PTN: variants seen among roughly 807,000 people sequenced by gnomAD.
PTN encodes the protein pleiotrophin.
PTN carries 18 observed loss-of-function variants against 24.1 expected under a neutral mutation model. That is an observed-to-expected ratio of 0.75 (90% CI 0.52 to 1.11). PTN has a LOEUF of 1.11. Among genes scored for constraint, PTN ranks in the 50% least tolerant of loss-of-function variants. PTN has a pLI of 0.00. For synonymous variants in PTN, 78 were observed against 68.6 expected (o/e 1.14, Z -0.67); for missense variants, 163 against 198.8 (o/e 0.82, Z 1.08).
chr7:137,301,039 A>C (rs2128878530), intron 1 of PTN, among the ~76,000 whole-genome samples: 1 of 151,094 alleles, frequency 6.6e-6, no homozygotes, highest in East Asian at 1.9e-4. Context: ...GTAATTACAA[A>C]GAAGTCAGGC....
intron 1 of PTN, among the ~76,000 whole-genome samples, chr7:137,292,816 A>C (rs1220515018): frequency 6.6e-6 from 1 of 152,162 alleles, no homozygotes. Context: ...TGTGGGACGC[A>C]CAGAAAAGGA....
chr7:137,315,179 G>A lies in PTN; in HGVS notation c.-2+28260C>T, dbSNP rs147767078. Among the ~76,000 whole-genome samples the A allele has an allele frequency of 7.4e-3, 1,122 of 152,144 alleles. 5 individuals are homozygous for A. The highest frequency in any genetic ancestry group is 0.012 in the Non-Finnish European group (797 of 67,988). ...GATGCTAATAATTATGCCATGCAAT[G>A]GTATCACCATTAATCAAATGAACAC... On this transcript the variant is annotated intron_variant, in intron 1 of 4. Transcript: ENST00000348225.
In PTN at chr7:137,254,901, C is replaced by A; in HGVS notation, c.73G>T (p.Ala25Ser). 6.3e-7 allele frequency: 1 copy of A among 1,584,502 alleles called. No individual in the cohort carries two copies. The highest frequency in any genetic ancestry group is 1.1e-5 in the South Asian group (1 of 87,978). Reference sequence around the variant, plus strand: ...CCTGCTTCAGCAGTATCCACAGCTGCCAGTATGAAAATGAATGCCAAGAAG... The same window carrying A: ...CCTGCTTCAGCAGTATCCACAGCTGACAGTATGAAAATGAATGCCAAGAAG... Reference protein sequence around the residue: ...AAFLAFIFILAAVDTAEAGKK... With the variant: ...AAFLAFIFILSAVDTAEAGKK... The change falls in exon 2 of 5, where the codon GCA (alanine) becomes TCA (serine). Residue 25 changes from alanine to serine, a missense_variant. Coordinates refer to ENST00000348225, the MANE Select transcript of PTN (RefSeq NM_002825.7).
At chr7:137,291,135 T>C (rs1250868973) in intron 1 of PTN, among the ~76,000 whole-genome samples, 1 of 152,206 alleles carries the variant, frequency 6.6e-6, no homozygotes, top group East Asian at 1.9e-4. Flanking sequence ...TTGTTTATTC[T>C]GTCTGTATAC....
At chr7:137,328,306 T>C (rs1375363284) in intron 1 of PTN, among the ~76,000 whole-genome samples, 1 of 152,170 alleles carries the variant, frequency 6.6e-6, no homozygotes, top group African/African-American at 2.4e-5. Flanking sequence ...ACCTGAATCA[T>C]AAAAGACATT....
intron 1 of PTN, among the ~76,000 whole-genome samples, chr7:137,257,364 C>G (rs138312346): frequency 1.3e-5 from 2 of 152,142 alleles, no homozygotes; most frequent in African/African-American, 4.8e-5. Context: ...TGAATGGTCA[C>G]GCAGAAAAGT....
chr7:137,335,998 CA>C (rs1484880215), intron 1 of PTN, among the ~76,000 whole-genome samples: 1 of 150,486 alleles, frequency 6.6e-6, no homozygotes, highest in African/African-American at 2.5e-5. Flanking sequence ...ACCTCCTCCT[CA>C]CTTTGTGAGT....
intron 4 of PTN, among the ~76,000 whole-genome samples, chr7:137,250,041 T>C (rs1185437178): frequency 1.3e-5 from 2 of 152,154 alleles, no homozygotes; most frequent in Admixed American, 1.3e-4. Flanking sequence ...TGAGCATTTC[T>C]TACATGGTCA....
Position 137,243,836 on chromosome 7 carries a change from T to C in PTN, c.451+7394A>G, listed in dbSNP as rs149818327. Among the ~76,000 whole-genome samples, 437 of 152,270 alleles carry C rather than the reference T, an allele frequency of 2.9e-3. 1 individual carries two copies. Among genetic ancestry groups the C allele is most frequent in the African/African-American group, 0.01 (416 of 41,544 alleles). The stretch of plus-strand genomic sequence containing the variant: ...AGCATTATATGTGCTGAACAGACAG[T>C]AATTGCAGCAGAAAGGTTTCTGCTA... On this transcript the variant is annotated intron_variant, in intron 4 of 4. Coordinates refer to ENST00000348225, the MANE Select transcript of PTN (RefSeq NM_002825.7).
intron 1 of PTN, among the ~76,000 whole-genome samples, chr7:137,274,433 C>T (rs906682282): frequency 6.6e-6 from 1 of 151,986 alleles, no homozygotes; most frequent in African/African-American, 2.4e-5. Flanking sequence ...TACATAGGTA[C>T]ACATGTGCCA....
At position 137,343,472 on chromosome 7, in the gene PTN, C is replaced by T. The variant is rs573385035; in HGVS notation, c.-35G>A. ...GGAAACGTCCTCTCTGGCGCTCAGT[C>T]TGCCTTTGTTGCAAGGGGCGAGGTT... is the stretch of plus-strand genomic sequence containing the variant. On this transcript the variant is annotated 5_prime_UTR_variant, in exon 1 of 5. Coordinates refer to ENST00000348225, the MANE Select transcript of PTN (RefSeq NM_002825.7). 5 of 518,586 alleles carry T rather than the reference C, an allele frequency of 9.6e-6. No homozygotes were observed. Among genetic ancestry groups the T allele is most frequent in the African/African-American group, 3.8e-5 (2 of 52,064 alleles). The allele number at this position is 518,586 out of a possible 1,614,324, so 32.1% of individuals were successfully genotyped here. A position where few individuals can be genotyped will look rare whatever the true frequency, so the allele number is the denominator to read the frequency against.
At chr7:137,254,779 G>T in intron 2 of PTN, 80 bp downstream of exon 2, 1 of 908,804 alleles carries the variant, frequency 1.1e-6, no homozygotes, top group Non-Finnish European at 1.6e-6. Context: ...CAGAGTAGAA[G>T]AGAGGAAGGA....
intron 1 of PTN, among the ~76,000 whole-genome samples, chr7:137,298,263 G>A (rs1438336019): frequency 4.0e-5 from 6 of 151,786 alleles, no homozygotes; most frequent in Admixed American, 1.3e-4. Context: ...TCATTAGTTC[G>A]GTAAATATGC....
At chr7:137,322,628 C>T (rs1046324668) in intron 1 of PTN, among the ~76,000 whole-genome samples, 6 of 152,020 alleles carry the variant, frequency 3.9e-5, no homozygotes, top group Admixed American at 2.6e-4. Flanking sequence ...CCACATAAAA[C>T]ATTAGAAATA....
intron 4 of PTN, chr7:137,236,245 A>G (rs1283254243): frequency 1.4e-6 from 1 of 702,074 alleles, no homozygotes; most frequent in African/African-American, 1.7e-5. Context: ...TCCCTTCTCT[A>G]TAAGAAGGAA....
intron 1 of PTN, among the ~76,000 whole-genome samples, chr7:137,284,691 C>T (rs1809526832): frequency 6.6e-6 from 1 of 152,136 alleles, no homozygotes; most frequent in African/African-American, 2.4e-5. Flanking sequence ...GGTACATACA[C>T]TGTTAGATGA....
intron 1 of PTN, among the ~76,000 whole-genome samples, chr7:137,282,213 A>C (rs578056838): frequency 1.8e-4 from 28 of 152,348 alleles, no homozygotes; most frequent in African/African-American, 6.5e-4. Flanking sequence ...GTGTGGTAGA[A>C]GAGAGCTATC....
intron 1 of PTN, among the ~76,000 whole-genome samples, chr7:137,300,170 A>G (rs573134674): frequency 6.6e-6 from 1 of 151,752 alleles, no homozygotes; most frequent in African/African-American, 2.4e-5. Flanking sequence ...AAAATTCACA[A>G]TTTAAACATT....
chr7:137,246,355 G>A (rs1378885481), intron 4 of PTN, among the ~76,000 whole-genome samples: 2 of 151,736 alleles, frequency 1.3e-5, no homozygotes, highest in African/African-American at 2.4e-5. Flanking sequence ...GGCACAGTAG[G>A]CTACACATCT....
Sources: gnomAD v4.1 joint callset for allele counts (sites outside exome capture counted in the v4.1 genomes callset) on GRCh38, gnomAD v4.1.1 for gene constraint, MANE v1.5 for transcripts, NCBI Gene and HGNC (gene_info 2026-07-23, HGNC 2026-07-21) for gene names.